Variants in DNAH14 observed in about 807,000 individuals in gnomAD.
The protein encoded by DNAH14 is axonemal beta dynein heavy chain 14.
A neutral mutation model predicts 520.9 loss-of-function variants in DNAH14; 478 were observed. The ratio of observed to expected loss-of-function variants is 0.92; its 90% CI spans 0.85 to 0.99. DNAH14 has a LOEUF of 0.99. Ranked by LOEUF, DNAH14 falls within the 50% of genes least tolerant of loss-of-function variation. The pLI, the probability that DNAH14 is intolerant of heterozygous loss-of-function variation, is 0.00. For synonymous variants in DNAH14, 1,581 were observed against 1,757.2 expected, an observed-to-expected ratio of 0.90 and a Z score of 2.51; for missense variants, 4,831 against 5,234.5, an observed-to-expected ratio of 0.92 and a Z score of 2.38.
chr1:224,936,475 C>A (rs186571007), intron 1 of DNAH14, among the ~76,000 whole-genome samples: 5 of 151,756 alleles, frequency 3.3e-5, no homozygotes, highest in Non-Finnish European at 7.4e-5. Context: ...CTAGAAGAAA[C>A]GGATAAATCC....
chr1:225,070,912 T>TTGAA (rs1194595413), intron 17 of DNAH14, among the ~76,000 whole-genome samples: 2 of 152,368 alleles, frequency 1.3e-5, no homozygotes, highest in East Asian at 3.9e-4. Flanking sequence ...TCTTGTTGAA[T>TTGAA]TGAACCCTTT....
Position 225,153,730 on chromosome 1 carries a change from A to G in DNAH14, c.5197-20A>G. The G allele has an allele frequency of 6.7e-7, 1 of 1,498,850 alleles. No individual in the cohort carries two copies. The highest frequency in any genetic ancestry group is 1.2e-5 in the South Asian group (1 of 81,444). The allele number at this position is 1,498,850 out of a possible 1,614,324, so 92.8% of individuals were successfully genotyped here. A position where few individuals can be genotyped will look rare whatever the true frequency, so the allele number is the denominator to read the frequency against. ...TTTCTTTAGAAACTTTAATAATTCA[A>G]ATATTTTAATGTTTGATAGGATCAT... On this transcript the variant is annotated intron_variant, in intron 33 of 85. Coordinates refer to ENST00000682510, the MANE Select transcript of DNAH14 (RefSeq NM_001367479.1).
chr1:225,029,221 A>G (rs765721700), intron 11 of DNAH14, among the ~76,000 whole-genome samples: 13 of 152,028 alleles, frequency 8.6e-5, no homozygotes, highest in Non-Finnish European at 1.6e-4. Context: ...TGGCAAACCA[A>G]AACTGGAAGG....
intron 61 of DNAH14, among the ~76,000 whole-genome samples, chr1:225,319,624 G>A (rs2094525398): frequency 6.6e-6 from 1 of 152,126 alleles, no homozygotes; most frequent in Admixed American, 6.5e-5. Flanking sequence ...AAGAGAAGGA[G>A]GGAGAATTCT....
intron 41 of DNAH14, among the ~76,000 whole-genome samples, chr1:225,221,554 C>T (rs913184637): frequency 2.0e-5 from 3 of 152,196 alleles, no homozygotes; most frequent in Admixed American, 6.5e-5. Context: ...AAAAAAAGCT[C>T]ATCTTCACTG....
chr1:225,019,390 C>A (rs1320008019), intron 10 of DNAH14, among the ~76,000 whole-genome samples: 1 of 152,174 alleles, frequency 6.6e-6, no homozygotes, highest in Non-Finnish European at 1.5e-5. Flanking sequence ...AATATATGCA[C>A]ACCCAATATT....
At chr1:225,266,331 A>T (rs570974204) in intron 48 of DNAH14, among the ~76,000 whole-genome samples, 2 of 152,160 alleles carry the variant, frequency 1.3e-5, no homozygotes, top group Non-Finnish European at 2.9e-5. Context: ...AATAGCCATA[A>T]ATATATTGCT....
At chr1:224,952,376 C>A (rs1343970733) in intron 1 of DNAH14, among the ~76,000 whole-genome samples, 3 of 152,106 alleles carry the variant, frequency 2.0e-5, no homozygotes, top group Non-Finnish European at 4.4e-5. Flanking sequence ...TTATCATTAT[C>A]TTTAGCATGC....
chr1:225,250,716 C>T, intron 43 of DNAH14: 1 of 531,824 alleles, frequency 1.9e-6, no homozygotes, highest in South Asian at 2.9e-5. Context: ...GGGCAAGTAC[C>T]TTTATTGTGG....
intron 54 of DNAH14, among the ~76,000 whole-genome samples, chr1:225,284,944 T>C (rs1233039581): frequency 1.3e-5 from 2 of 152,148 alleles, no homozygotes; most frequent in Non-Finnish European, 2.9e-5. Context: ...CATTTTTTTT[T>C]ACTCTCAGCA....
intron 77 of DNAH14, among the ~76,000 whole-genome samples, chr1:225,368,599 C>T (rs1045033231): frequency 1.3e-5 from 2 of 152,050 alleles, no homozygotes; most frequent in Non-Finnish European, 2.9e-5. Context: ...CACGTGGTAG[C>T]ATCTGCTTAA....
chr1:224,964,201 A>T (rs2125580483), intron 4 of DNAH14, among the ~76,000 whole-genome samples: 1 of 152,248 alleles, frequency 6.6e-6, no homozygotes, highest in East Asian at 1.9e-4. Flanking sequence ...AAGCCGTATA[A>T]CCAGTTCCTA....
intron 79 of DNAH14, among the ~76,000 whole-genome samples, chr1:225,378,467 C>T (rs574796651): frequency 4.6e-5 from 7 of 152,180 alleles, no homozygotes; most frequent in South Asian, 2.1e-4. Context: ...TGACCTCAGG[C>T]GATCTGTAAA....
At chr1:225,394,623 A>T (rs1311066643) in intron 84 of DNAH14, among the ~76,000 whole-genome samples, 1 of 152,178 alleles carries the variant, frequency 6.6e-6, no homozygotes, top group African/African-American at 2.4e-5. Context: ...TGGGCAGCTC[A>T]CCTGAGATCA....
At chr1:225,251,224 AGTGCAATAGCGTGATC>A (rs1484634128) in intron 43 of DNAH14, among the ~76,000 whole-genome samples, 1 of 150,812 alleles carries the variant, frequency 6.6e-6, no homozygotes, top group African/African-American at 2.4e-5. Flanking sequence ...CCCAGGCTAT[AGTGCAATAGCGTGATC>A]TCAGCTCACT....
intron 28 of DNAH14, among the ~76,000 whole-genome samples, chr1:225,141,647 C>T (rs920476909): frequency 2.6e-5 from 4 of 152,082 alleles, no homozygotes; most frequent in Non-Finnish European, 5.9e-5. Flanking sequence ...TACATTCTCC[C>T]ATTTCCATCT....
At chr1:225,324,937 G>C (rs1184944805) in intron 64 of DNAH14, 105 bp downstream of exon 64, 2 of 654,314 alleles carry the variant, frequency 3.1e-6, no homozygotes, top group Admixed American at 7.2e-5. Context: ...AATAATATAG[G>C]TAGTGAAAAG....
At chr1:225,186,586 T>A (rs1428467006) in intron 37 of DNAH14, among the ~76,000 whole-genome samples, 2 of 151,808 alleles carry the variant, frequency 1.3e-5, no homozygotes, top group Non-Finnish European at 3.0e-5. Context: ...TCACCTAGAA[T>A]AATAATACAG....
rs2094610364 is a variant in DNAH14, at chr1:225,324,255, C to T, written c.9529C>T (p.Pro3177Ser). 4.5e-6 allele frequency: 7 copies of T among 1,551,714 alleles called. No homozygotes were observed. Among genetic ancestry groups the T allele is most frequent in the Non-Finnish European group, 6.1e-6 (7 of 1,147,002 alleles). ...GAAGCTAAAAAAAATTGTAACCTTA[C>T]CTGATTTCAACCCACACAAGATTTC... The part of the protein sequence containing the change: ...FVKLKKIVTL[P>S]DFNPHKISLV... Residue 3177 changes from proline to serine, a missense_variant, in exon 63 of 86, where the codon CCT becomes TCT. Coordinates refer to ENST00000682510, the MANE Select transcript of DNAH14 (RefSeq NM_001367479.1).
Sources: allele counts gnomAD v4.1 joint callset (sites outside exome capture counted in the v4.1 genomes callset), GRCh38; gene constraint gnomAD v4.1.1; transcripts MANE v1.5; gene names NCBI Gene and HGNC (gene_info 2026-07-23, HGNC 2026-07-21).